FLRT2: variants seen among roughly 807,000 people sequenced by gnomAD.
FLRT2 encodes leucine-rich repeat transmembrane protein FLRT2.
FLRT2 carries 15 observed loss-of-function variants against 40.0 expected under a neutral mutation model. That is an observed-to-expected ratio of 0.38 (90% CI 0.25 to 0.58). The LOEUF is 0.58. FLRT2 is among the 20% of genes least tolerant of loss of function. The pLI is 0.71. For synonymous variants in FLRT2, 380 were observed against 336.8 expected (o/e 1.13, Z -1.41); for missense variants, 726 against 840.0 (o/e 0.86, Z 1.68).
At chr14:85,583,244 C>G (rs182029673) in intron 1 of FLRT2, among the ~76,000 whole-genome samples, 2 of 152,316 alleles carry the variant, frequency 1.3e-5, no homozygotes, top group African/African-American at 4.8e-5. Context: ...TAATGTCCAC[C>G]TTCATTTTGT....
At position 85,627,035 on chromosome 14, in the gene FLRT2, G is replaced by T. The variant is rs572646428; in HGVS notation, c.*3538G>T. On this transcript the variant is annotated 3_prime_UTR_variant, in exon 2 of 2. Coordinates refer to ENST00000330753, the MANE Select transcript of FLRT2 (RefSeq NM_013231.6). Reference sequence around the variant, plus strand: ...GGAATGGATGCTTCACTTGATCTCCGGACCTTGGCTGCAGAGGCCATCGCA... The same window carrying T: ...GGAATGGATGCTTCACTTGATCTCCTGACCTTGGCTGCAGAGGCCATCGCA... 56 of 167,020 alleles carry T rather than the reference G, an allele frequency of 3.4e-4. No individual in the cohort carries two copies. The highest frequency in any genetic ancestry group is 1.4e-3 in the African/African-American group (56 of 41,460). The allele number at this position is 167,020 out of a possible 1,614,324, so 10.3% of individuals were successfully genotyped here.
chr14:85,537,887 G>A (rs551370209), intron 1 of FLRT2, among the ~76,000 whole-genome samples: 8 of 148,278 alleles, frequency 5.4e-5, no homozygotes, highest in African/African-American at 1.7e-4. Flanking sequence ...ATCTACTGGT[G>A]TTTTTGGTTT....
In FLRT2 at chr14:85,649,374, T is replaced by G. The variant is rs1187141361; in HGVS notation, c.*25877T>G. 6.6e-6 allele frequency: 1 copy of G among 152,116 alleles called. No individual in the cohort carries two copies. Among genetic ancestry groups the G allele is most frequent in the Non-Finnish European group, 1.5e-5 (1 of 67,980 alleles). 9.4% of individuals were successfully genotyped at this position (152,116 alleles called of 1,614,324 possible). ...ATTTGCATCCATTGGTCTTTTGGTT[T>G]ATGTGCTTTAATAATTTGAAAAACA... On this transcript the variant is annotated 3_prime_UTR_variant, in exon 2 of 2. Coordinates refer to ENST00000330753, the MANE Select transcript of FLRT2 (RefSeq NM_013231.6).
intron 1 of FLRT2, among the ~76,000 whole-genome samples, chr14:85,567,370 T>C (rs1190996093): frequency 6.6e-6 from 1 of 152,132 alleles, no homozygotes; most frequent in Non-Finnish European, 1.5e-5. Context: ...TAGAAAAGCA[T>C]ACACTCTGTG....
Position 85,652,640 on chromosome 14 carries a change from A to G in FLRT2, c.*29143A>G, listed in dbSNP as rs796636435. The G allele has an allele frequency of 2.6e-5, 4 of 152,308 alleles. No homozygotes were observed. Among genetic ancestry groups the G allele is most frequent in the African/African-American group, 9.6e-5 (4 of 41,590 alleles). The allele number at this position is 152,308 out of a possible 1,614,324, so 9.4% of individuals were successfully genotyped here. ...CCACAGTTAAATATGAGCTTCATCT[A>G]TTAGTGAGTCAATCATAGGATTTTC... On this transcript the variant is annotated 3_prime_UTR_variant, in exon 2 of 2. Coordinates refer to ENST00000330753, the MANE Select transcript of FLRT2 (RefSeq NM_013231.6).
chr14:85,600,141 T>C lies in FLRT2; in HGVS notation c.-376-20998T>C, dbSNP rs140914972. 3.5e-4 allele frequency among the ~76,000 whole-genome samples: 53 copies of C among 152,288 alleles called. No homozygotes were observed. In the East Asian group the frequency reaches 9.7e-3, roughly 28 times the overall value. On this transcript the variant is annotated intron_variant, in intron 1 of 1. Coordinates refer to ENST00000330753, the MANE Select transcript of FLRT2 (RefSeq NM_013231.6). The stretch of plus-strand genomic sequence containing the variant: ...AAAGAAGAATTGACCTCACTAATGA[T>C]TCATTTGGGCGATAAGAGGAAGTAG...
rs137990800 is a variant in FLRT2, at chr14:85,622,688, A to G, written c.1174A>G (p.Ser392Gly). The G allele has an allele frequency of 1.1e-3, 1,771 of 1,613,936 alleles. 9 individuals carry two copies. The highest frequency in any genetic ancestry group is 1.2e-3 in the Non-Finnish European group (1,369 of 1,179,976). The change falls in exon 2 of 2, where the codon AGC (serine) becomes GGC (glycine). Residue 392 changes from serine to glycine, a missense_variant. This residue lies in a region of FLRT2 where 611 missense variants were observed against 690.0 expected (regional missense o/e 0.89). Coordinates refer to ENST00000330753, the MANE Select transcript of FLRT2 (RefSeq NM_013231.6). ...TCCCACCCTCTCTATTCCAAACCCTAGCAGAAGCTACACGCCTCCAACTCC... is the reference window on the plus strand; with the variant it reads ...TCCCACCCTCTCTATTCCAAACCCTGGCAGAAGCTACACGCCTCCAACTCC... ...QPPTLSIPNP[S>G]RSYTPPTPTT...
intron 1 of FLRT2, among the ~76,000 whole-genome samples, chr14:85,584,431 C>T (rs985631119): frequency 6.6e-6 from 1 of 152,190 alleles, no homozygotes; most frequent in Non-Finnish European, 1.5e-5. Context: ...TGTCTTAATT[C>T]TGTATTTCTG....
Position 85,636,435 on chromosome 14 carries a change from T to C in FLRT2, c.*12938T>C, listed in dbSNP as rs1450017204. 6.9e-6 allele frequency: 1 copy of C among 144,454 alleles called. No homozygotes were observed. The highest frequency in any genetic ancestry group is 2.2e-4 in the East Asian group (1 of 4,490). The allele number at this position is 144,454 out of a possible 1,614,324, so 8.9% of individuals were successfully genotyped here. On this transcript the variant is annotated 3_prime_UTR_variant, in exon 2 of 2. Coordinates refer to ENST00000330753, the MANE Select transcript of FLRT2 (RefSeq NM_013231.6). ...AAAAAACATTCTTATTAATCTTAAC[T>C]AATTTTCTTTAGTGACAGAAATTCA...
At chr14:85,587,974 C>T (rs779520920) in intron 1 of FLRT2, among the ~76,000 whole-genome samples, 9 of 151,936 alleles carry the variant, frequency 5.9e-5, no homozygotes, top group Non-Finnish European at 1.0e-4. Flanking sequence ...CTCTGTCTCC[C>T]AGGCTGGAGT....
Position 85,650,827 on chromosome 14 carries a change from A to G in FLRT2, c.*27330A>G, listed in dbSNP as rs1348264697. On this transcript the variant is annotated 3_prime_UTR_variant, in exon 2 of 2. Transcript: ENST00000330753. ...GTGTTAGCTAGCTATATTCTTTGCA[A>G]TAATTATTAAAATTTTCTTTTTCTT... The G allele has an allele frequency of 6.6e-6, 1 of 151,598 alleles. No individual in the cohort carries two copies. The highest frequency in any genetic ancestry group is 1.5e-5 in the Non-Finnish European group (1 of 67,908). The allele number at this position is 151,598 out of a possible 1,614,324, so 9.4% of individuals were successfully genotyped here.
chr14:85,623,090 G>A lies in FLRT2; in HGVS notation c.1576G>A (p.Ala526Thr), dbSNP rs182653425. 9.9e-5 allele frequency: 160 copies of A among 1,614,092 alleles called. No individual in the cohort carries two copies. The East Asian group carries it at 3.5e-3, about 36-fold the overall frequency. ...CTATCTGAACAACGGCAGCAACACA[G>A]CGTCCAGCCATGAGCAGACGACGTC... ...ASYLNNGSNTASSHEQTTSHS... is the reference protein window; with the variant it reads ...ASYLNNGSNTTSSHEQTTSHS... The change falls in exon 2 of 2, where the codon GCG becomes ACG. Residue 526 changes from alanine (A) to threonine (T), a missense_variant. By Grantham distance (58) the Ala-to-Thr change is moderately conservative. Around this residue, in one of 3 missense-constraint regions of FLRT2, gnomAD observed 611 missense variants for 690.0 expected, o/e 0.89. Coordinates refer to ENST00000330753, the MANE Select transcript of FLRT2 (RefSeq NM_013231.6).
Position 85,530,382 on chromosome 14 carries a change from C to A in FLRT2, c.-529C>A, listed in dbSNP as rs1888196816. On this transcript the variant is annotated 5_prime_UTR_variant, in exon 1 of 2. Transcript: ENST00000330753. Reference sequence around the variant, plus strand: ...GCCCTGGGATCAGGGTGGCAGTTCTCAACGATGGGCAGGAGGGACCTCGGC... The same window carrying A: ...GCCCTGGGATCAGGGTGGCAGTTCTAAACGATGGGCAGGAGGGACCTCGGC... The A allele has an allele frequency of 6.6e-6, 1 of 152,628 alleles. No homozygotes were observed. The allele number at this position is 152,628 out of a possible 1,614,324, so 9.5% of individuals were successfully genotyped here.
chr14:85,594,723 A>G (rs1169508166), intron 1 of FLRT2, among the ~76,000 whole-genome samples: 1 of 152,178 alleles, frequency 6.6e-6, no homozygotes, highest in Non-Finnish European at 1.5e-5. Context: ...AGTTTACTTA[A>G]TGGAGTTGAC....
chr14:85,554,141 A>G (rs1889807848), intron 1 of FLRT2, among the ~76,000 whole-genome samples: 2 of 152,186 alleles, frequency 1.3e-5, no homozygotes, highest in Non-Finnish European at 2.9e-5. Context: ...TACACTCTGC[A>G]GGACACTACC....
Position 85,623,294 on chromosome 14 carries a change from A to G in FLRT2, c.1780A>G (p.Lys594Glu). Residue 594 changes from lysine to glutamate, a missense_variant, in exon 2 of 2, where the codon AAG becomes GAG. By Grantham distance (56) the Lys-to-Glu change is moderately conservative (BLOSUM62 1). This residue lies in a region of FLRT2 where 611 missense variants were observed against 690.0 expected (regional missense o/e 0.89). Coordinates refer to ENST00000330753, the MANE Select transcript of FLRT2 (RefSeq NM_013231.6). ...RKDDYCEAGT[K>E]KDNSILEMTE... ...AGATGATTATTGCGAGGCAGGCACC[A>G]AGAAGGACAACTCCATCCTGGAGAT... 1 of 1,517,434 alleles carries G rather than the reference A, an allele frequency of 6.6e-7. No homozygotes were observed. The highest frequency in any genetic ancestry group is 8.8e-7 in the Non-Finnish European group (1 of 1,133,990). 94.0% of individuals were successfully genotyped at this position (1,517,434 alleles called of 1,614,324 possible). A position where few individuals can be genotyped will look rare whatever the true frequency, so the allele number is the denominator to read the frequency against.
At position 85,640,391 on chromosome 14, in the gene FLRT2, G is replaced by A. The variant is rs935027488; in HGVS notation, c.*16894G>A. ...CAATTATTAGTTTTTAATAAAGATC[G>A]TGACCAAGCTTTCCTTGGGAAGTAA... is the stretch of plus-strand genomic sequence containing the variant. On this transcript the variant is annotated 3_prime_UTR_variant, in exon 2 of 2. Coordinates refer to ENST00000330753, the MANE Select transcript of FLRT2 (RefSeq NM_013231.6). 6.6e-6 allele frequency: 1 copy of A among 152,098 alleles called. No individual in the cohort carries two copies. The highest frequency in any genetic ancestry group is 6.6e-5 in the Admixed American group (1 of 15,266). The allele number at this position is 152,098 out of a possible 1,614,324, so 9.4% of individuals were successfully genotyped here. A position where few individuals can be genotyped will look rare whatever the true frequency, so the allele number is the denominator to read the frequency against.
Position 85,642,608 on chromosome 14 carries a change from T to C in FLRT2, c.*19111T>C, listed in dbSNP as rs543991778. On this transcript the variant is annotated 3_prime_UTR_variant, in exon 2 of 2. Coordinates refer to ENST00000330753, the MANE Select transcript of FLRT2 (RefSeq NM_013231.6). Reference sequence around the variant, plus strand: ...TTTTTATCAGGAGAAATCTGCGGACTATGTATGGCAACAGACTCAAAGGGA... The same window carrying C: ...TTTTTATCAGGAGAAATCTGCGGACCATGTATGGCAACAGACTCAAAGGGA... 1 of 152,274 alleles carries C rather than the reference T, an allele frequency of 6.6e-6. No homozygotes were observed. Among genetic ancestry groups the C allele is most frequent in the African/African-American group, 2.4e-5 (1 of 41,546 alleles). 9.4% of individuals were successfully genotyped at this position (152,274 alleles called of 1,614,324 possible). A position where few individuals can be genotyped will look rare whatever the true frequency, so the allele number is the denominator to read the frequency against.
rs1566762946 is a variant in FLRT2, at chr14:85,622,372, C to T, written c.858C>T (p.Asn286=). The T allele has an allele frequency of 6.2e-7, 1 of 1,614,152 alleles. No individual in the cohort carries two copies. Among genetic ancestry groups the T allele is most frequent in the Admixed American group, 1.7e-5 (1 of 60,014 alleles). ...RKLERLDISN[N]QLRMLTQGVF... ...TGGAACGGCTGGATATATCCAACAA[C>T]CAACTGCGGATGCTGACTCAAGGGG... The change falls in exon 2 of 2, where the codon AAC becomes AAT. Residue 286 remains asparagine, a synonymous_variant. Coordinates refer to ENST00000330753, the MANE Select transcript of FLRT2 (RefSeq NM_013231.6).
Sources: gnomAD v4.1 joint callset for allele counts (sites outside exome capture counted in the v4.1 genomes callset) on GRCh38, gnomAD v4.1.1 for gene constraint, gnomAD v4.1.1 regional missense constraint, MANE v1.5 for transcripts, NCBI Gene and HGNC (gene_info 2026-07-23, HGNC 2026-07-21) for gene names.